The following MCTP2 variants were observed in gnomAD, a reference collection of about 807,000 sequenced individuals.
MCTP2 encodes the protein multiple C2 and transmembrane domain-containing protein 2.
In MCTP2, 132 loss-of-function variants were observed where a neutral mutation model predicts 111.6. The ratio of observed to expected loss-of-function variants is 1.18; its 90% CI spans 1.03 to 1.37. The LOEUF (loss-of-function observed/expected upper bound fraction) is 1.37, where lower values mean the gene tolerates loss of function less well. Ranked by LOEUF, MCTP2 falls within the 40% of genes most tolerant of loss-of-function variation. The probability of loss-of-function intolerance (pLI) is 0.00; values close to 1 mark genes in which losing one functional copy is unlikely to be tolerated. For missense variants in MCTP2, 1,183 were observed against 1,067.9 expected, an observed-to-expected ratio of 1.11 and a Z score of -1.50; for synonymous variants, 395 against 387.7, an observed-to-expected ratio of 1.02 and a Z score of -0.22.
Position 94,339,412 on chromosome 15 carries a change from G to A in MCTP2, c.760G>A (p.Asp254Asn), listed in dbSNP as rs1458131641. The A allele has an allele frequency of 6.2e-7, 1 of 1,603,892 alleles. No homozygotes were observed. The highest frequency in any genetic ancestry group is 1.3e-5 in the African/African-American group (1 of 74,288). ...AGTTGTATTGCCAATCCAAAGCCTT[G>A]ATCAAAAGCTACGTGTGAAGGTAAT... ...EIVVLPIQSL[D>N]QKLRVKVYDR... is the part of the protein sequence containing the mutation. The change falls in exon 5 of 23, where the codon GAT (aspartate) becomes AAT (asparagine). Residue 254 changes from aspartate (D) to asparagine (N), a missense_variant. Asp to Asn is a conservative substitution (Grantham distance 23, BLOSUM62 1). Transcript: ENST00000357742.
In MCTP2 at chr15:94,384,013, T is replaced by C. The variant is rs767804867; in HGVS notation, c.1583-9T>C. On this transcript the variant is annotated splice_polypyrimidine_tract_variant and intron_variant, in intron 12 of 22. Coordinates refer to ENST00000357742, the MANE Select transcript of MCTP2 (RefSeq NM_001385001.1). ...TTGTCTTTGACCGATGTGTATGTTA[T>C]CTTTCCAGGGAAGAGTGACCCATTT... The C allele has an allele frequency of 2.4e-5, 38 of 1,596,732 alleles. No individual in the cohort carries two copies. The highest frequency in any genetic ancestry group is 3.2e-5 in the Non-Finnish European group (37 of 1,164,460).
chr15:94,243,515 G>T (rs1454890617), intron 1 of MCTP2, among the ~76,000 whole-genome samples: 1 of 138,680 alleles, frequency 7.2e-6, no homozygotes, highest in African/African-American at 2.6e-5. Flanking sequence ...ATGCGTATAT[G>T]CGTATGTACA....
At chr15:94,302,439 G>C (rs1167103508) in intron 2 of MCTP2, among the ~76,000 whole-genome samples, 1 of 152,122 alleles carries the variant, frequency 6.6e-6, no homozygotes, top group East Asian at 1.9e-4. Context: ...AAGCATGAGG[G>C]GCAAGGAAGA....
Position 94,476,743 on chromosome 15 carries a change from A to T in MCTP2, c.2518A>T (p.Asn840Tyr). The T allele has an allele frequency of 6.2e-7, 1 of 1,610,480 alleles. No homozygotes were observed. The highest frequency in any genetic ancestry group is 8.5e-7 in the Non-Finnish European group (1 of 1,176,820). Residue 840 changes from asparagine (N) to tyrosine (Y), a missense_variant, in exon 22 of 23, where the codon AAT becomes TAT. Physicochemically the swap from Asn to Tyr is moderately radical, Grantham distance 143. Coordinates refer to ENST00000357742, the MANE Select transcript of MCTP2 (RefSeq NM_001385001.1). ...KKLRNPYSID[N>Y]NELLDFLSRV... ...GCTTCGAAATCCCTATTCCATCGAC[A>T]ATAATGAGCTACTAGACTTCCTCTC...
chr15:94,464,861 T>C (rs1232905802), intron 20 of MCTP2, among the ~76,000 whole-genome samples: 1 of 152,102 alleles, frequency 6.6e-6, no homozygotes, highest in Non-Finnish European at 1.5e-5. Context: ...GCTTTATGGT[T>C]AGAAAATATT....
chr15:94,421,879 T>G (rs1040591908), intron 17 of MCTP2, among the ~76,000 whole-genome samples: 2 of 152,200 alleles, frequency 1.3e-5, no homozygotes, highest in Non-Finnish European at 2.9e-5. Flanking sequence ...GATTCCATTA[T>G]TCTGCCTACC....
chr15:94,305,261 G>A (rs1324474452), intron 2 of MCTP2, among the ~76,000 whole-genome samples: 1 of 152,164 alleles, frequency 6.6e-6, no homozygotes, highest in African/African-American at 2.4e-5. Flanking sequence ...CAGTGAGAAT[G>A]GAGTCATCTG....
At chr15:94,358,866 A>G (rs2078770967) in intron 10 of MCTP2, among the ~76,000 whole-genome samples, 3 of 152,254 alleles carry the variant, frequency 2.0e-5, no homozygotes, top group Admixed American at 6.5e-5. Context: ...TTAAGCTGCC[A>G]TCTCAGACTA....
intron 16 of MCTP2, among the ~76,000 whole-genome samples, chr15:94,401,030 TG>T (rs777790414): frequency 2.2e-4 from 34 of 152,260 alleles, no homozygotes; most frequent in Non-Finnish European, 4.1e-4. Context: ...TGGGTTGAGG[TG>T]GGTGGGGTAG....
intron 1 of MCTP2, among the ~76,000 whole-genome samples, chr15:94,277,360 G>A (rs1284455562): frequency 6.6e-6 from 1 of 152,052 alleles, no homozygotes; most frequent in East Asian, 1.9e-4. Flanking sequence ...AGGTCCACAC[G>A]AAATCCTGCA....
chr15:94,356,124 T>C lies in MCTP2; in HGVS notation c.1006-13T>C. The C allele has an allele frequency of 6.5e-7, 1 of 1,537,270 alleles. No homozygotes were observed. The highest frequency in any genetic ancestry group is 8.8e-7 in the Non-Finnish European group (1 of 1,140,798). On this transcript the variant is annotated splice_polypyrimidine_tract_variant and intron_variant, in intron 8 of 22. Coordinates refer to ENST00000357742, the MANE Select transcript of MCTP2 (RefSeq NM_001385001.1). ...GAAGCAAGTTTACATGTCATCTTTA[T>C]TTTTTGCTTTAGTCCTCTTTGATAC...
At chr15:94,312,692 T>G (rs1397419526) in intron 2 of MCTP2, among the ~76,000 whole-genome samples, 1 of 152,142 alleles carries the variant, frequency 6.6e-6, no homozygotes, top group East Asian at 1.9e-4. Context: ...ACAAGAACCT[T>G]AGGGCCTCTT....
At chr15:94,306,647 A>T (rs1191422049) in intron 2 of MCTP2, among the ~76,000 whole-genome samples, 1 of 152,250 alleles carries the variant, frequency 6.6e-6, no homozygotes, top group Non-Finnish European at 1.5e-5. Flanking sequence ...GTCATGGTCA[A>T]TAACTAATAA....
chr15:94,445,829 A>G (rs1333725914), intron 19 of MCTP2, among the ~76,000 whole-genome samples: 1 of 152,252 alleles, frequency 6.6e-6, no homozygotes, highest in East Asian at 1.9e-4. Flanking sequence ...CCAGAAGAGG[A>G]GAGAAACTTC....
intron 17 of MCTP2, among the ~76,000 whole-genome samples, chr15:94,415,252 A>G (rs79764671): frequency 6.6e-6 from 1 of 152,120 alleles, no homozygotes; most frequent in Non-Finnish European, 1.5e-5. Context: ...GCTCCTTGTC[A>G]ATTTTTGTCT....
At chr15:94,333,075 A>C (rs374341692) in intron 4 of MCTP2, among the ~76,000 whole-genome samples, 21 of 152,314 alleles carry the variant, frequency 1.4e-4, no homozygotes, top group African/African-American at 5.1e-4. Flanking sequence ...GCTCTACTAA[A>C]AATACAAAAA....
intron 2 of MCTP2, among the ~76,000 whole-genome samples, chr15:94,307,041 G>T (rs982366594): frequency 2.6e-5 from 4 of 152,148 alleles, no homozygotes; most frequent in African/African-American, 9.7e-5. Flanking sequence ...AGGTGTGTCA[G>T]CTACATCCCA....
intron 17 of MCTP2, among the ~76,000 whole-genome samples, chr15:94,427,414 G>A (rs2082947145): frequency 1.3e-5 from 2 of 152,082 alleles, no homozygotes; most frequent in South Asian, 4.2e-4. Context: ...ATGACTGGGA[G>A]GCCTCAGGAA....
chr15:94,295,868 T>G (rs2075250898), intron 1 of MCTP2, among the ~76,000 whole-genome samples: 1 of 151,632 alleles, frequency 6.6e-6, no homozygotes, highest in Non-Finnish European at 1.5e-5. Context: ...TGAGCTGTGA[T>G]CGTGCCATTG....
Sources: allele counts gnomAD v4.1 joint callset (sites outside exome capture counted in the v4.1 genomes callset), GRCh38; gene constraint gnomAD v4.1.1; transcripts MANE v1.5; gene names NCBI Gene and HGNC (gene_info 2026-07-23, HGNC 2026-07-21).